ELAVL2: variants seen among roughly 807,000 people sequenced by gnomAD.
The protein encoded by ELAVL2 is ELAV-like protein 2.
In ELAVL2, 4 loss-of-function variants were observed where a neutral mutation model predicts 34.6. The observed-to-expected ratio is 0.12, with a 90% CI of 0.06 to 0.26. The LOEUF (loss-of-function observed/expected upper bound fraction) is 0.26. Among genes scored for constraint, ELAVL2 ranks in the 10% least tolerant of loss-of-function variants. The pLI, the probability that ELAVL2 is intolerant of heterozygous loss-of-function variation, is 1.00. For synonymous variants in ELAVL2, 193 were observed against 154.8 expected (o/e 1.25, Z -1.83); for missense variants, 432 against 442.8 (o/e 0.98, Z 0.22).
intron 1 of ELAVL2, among the ~76,000 whole-genome samples, chr9:23,763,594 CA>C (rs1395123371): frequency 6.6e-6 from 1 of 151,582 alleles, no homozygotes; most frequent in Non-Finnish European, 1.5e-5. Flanking sequence ...AAGAGGGTTA[CA>C]AGGAAAGAGA....
At chr9:23,736,914 C>T (rs1425096895) in intron 2 of ELAVL2, among the ~76,000 whole-genome samples, 1 of 152,166 alleles carries the variant, frequency 6.6e-6, no homozygotes, top group Non-Finnish European at 1.5e-5. Context: ...CCCTAAAATG[C>T]ACATTCAGTT....
intron 5 of ELAVL2, 135 bp from the exon 6 acceptor site, chr9:23,693,621 CT>C: frequency 9.2e-7 from 1 of 1,092,350 alleles, no homozygotes; most frequent in Non-Finnish European, 1.4e-6. Context: ...AATGCTGGGT[CT>C]TTTTACGTTT....
At chr9:23,779,470 G>C in intron 1 of ELAVL2, 1 of 937,804 alleles carries the variant, frequency 1.1e-6, no homozygotes, top group Non-Finnish European at 1.3e-6. Flanking sequence ...GGGTGGGCGG[G>C]CTTCCTTCTG....
intron 1 of ELAVL2, among the ~76,000 whole-genome samples, chr9:23,767,556 G>A (rs2056539422): frequency 1.3e-5 from 2 of 152,104 alleles, no homozygotes; most frequent in African/African-American, 4.8e-5. Context: ...TGAGGTAGGT[G>A]GACCACTTGA....
intron 2 of ELAVL2, among the ~76,000 whole-genome samples, chr9:23,732,482 A>C (rs62540058): frequency 1.9e-4 from 29 of 152,120 alleles, no homozygotes; most frequent in Admixed American, 8.5e-4. Flanking sequence ...TTCATCTCAC[A>C]CTAAAATTGA....
At chr9:23,760,405 CT>C (rs2135961007) in intron 2 of ELAVL2, among the ~76,000 whole-genome samples, 1 of 152,000 alleles carries the variant, frequency 6.6e-6, no homozygotes, top group Admixed American at 6.6e-5. Flanking sequence ...TGTCATAGCC[CT>C]CAAGTCATTT....
the ELAVL2 span, among the ~76,000 whole-genome samples, chr9:23,836,448 T>A: frequency 6.6e-6 from 1 of 152,188 alleles, no homozygotes; most frequent in South Asian, 2.1e-4. Flanking sequence ...ACTTATAGAG[T>A]ACTGATGTAT....
intron 2 of ELAVL2, among the ~76,000 whole-genome samples, chr9:23,741,482 A>G (rs80329502): frequency 0.01 from 1,546 of 152,120 alleles, 32 homozygotes; most frequent in African/African-American, 0.036. Flanking sequence ...AATCACCCAC[A>G]TTCTTTTTCC....
At chr9:23,820,866 G>C (rs963840392) in intron 1 of ELAVL2, among the ~76,000 whole-genome samples, 1 of 152,120 alleles carries the variant, frequency 6.6e-6, no homozygotes, top group Non-Finnish European at 1.5e-5. Context: ...CCCGCGCAGC[G>C]CACGCCTCGC....
In ELAVL2 at chr9:23,731,124, C is replaced by T. The variant is rs779233457; in HGVS notation, c.231G>A (p.Gly77=). 1 of 1,609,950 alleles carries T rather than the reference C, an allele frequency of 6.2e-7. No homozygotes were observed. Among genetic ancestry groups the T allele is most frequent in the Non-Finnish European group, 8.5e-7 (1 of 1,178,408 alleles). ...SCKLVRDKIT[G]QSLGYGFVNY... ...TCACAAAGCCATATCCCAAGCTCTGCCCTAATGAAAAGGAAGGGGAAAAAG... is the reference window on the plus strand; with the variant it reads ...TCACAAAGCCATATCCCAAGCTCTGTCCTAATGAAAAGGAAGGGGAAAAAG... The change falls in exon 3 of 7, where the codon GGG becomes GGA. Residue 77 remains glycine (G), a splice_region_variant and synonymous_variant. Transcript: ENST00000397312.
intron 2 of ELAVL2, among the ~76,000 whole-genome samples, chr9:23,760,488 A>C (rs1185366455): frequency 3.9e-5 from 6 of 151,930 alleles, no homozygotes; most frequent in Non-Finnish European, 2.9e-5. Context: ...TACTTTAAAA[A>C]CAAAAGATAA....
intron 2 of ELAVL2, among the ~76,000 whole-genome samples, chr9:23,759,819 A>C (rs2135942688): frequency 7.3e-6 from 1 of 136,164 alleles, no homozygotes; most frequent in Non-Finnish European, 1.6e-5. Flanking sequence ...CATCTTTAGA[A>C]ACATCTTTCA....
At chr9:23,717,126 A>G (rs1477616793) in intron 3 of ELAVL2, among the ~76,000 whole-genome samples, 2 of 152,228 alleles carry the variant, frequency 1.3e-5, no homozygotes, top group Non-Finnish European at 2.9e-5. Flanking sequence ...CCTTTGTACT[A>G]TAACTAGAAG....
chr9:23,755,451 T>C (rs1002168816), intron 2 of ELAVL2, among the ~76,000 whole-genome samples: 1 of 152,120 alleles, frequency 6.6e-6, no homozygotes, highest in Admixed American at 6.6e-5. Flanking sequence ...AACACCAAAT[T>C]TTTTAAATGA....
chr9:23,721,289 G>C (rs1013550862), intron 3 of ELAVL2, among the ~76,000 whole-genome samples: 1 of 152,214 alleles, frequency 6.6e-6, no homozygotes, highest in Non-Finnish European at 1.5e-5. Context: ...CACTGTGCTT[G>C]ATTCTATGAA....
chr9:23,693,175 T>G (rs2033799454), intron 6 of ELAVL2, among the ~76,000 whole-genome samples: 1 of 152,152 alleles, frequency 6.6e-6, no homozygotes. Context: ...TTAAGCAGGA[T>G]TGGCAGGGGA....
At chr9:23,847,073 A>T in the ELAVL2 span, among the ~76,000 whole-genome samples, 2 of 152,102 alleles carry the variant, frequency 1.3e-5, no homozygotes, top group South Asian at 4.1e-4. Flanking sequence ...TACATATATG[A>T]TTAAATCCAT....
At chr9:23,821,494 C>T (rs939954309) in intron 1 of ELAVL2, 1 of 152,262 alleles carries the variant, frequency 6.6e-6, no homozygotes, top group Non-Finnish European at 1.5e-5. Flanking sequence ...GCGCACCACC[C>T]CTACCCTGCT....
At chr9:23,822,455 G>GC (rs1057144376) in intron 1 of ELAVL2, among the ~76,000 whole-genome samples, 6 of 151,964 alleles carry the variant, frequency 3.9e-5, no homozygotes, top group African/African-American at 1.4e-4. Flanking sequence ...TCCTTCTATC[G>GC]CCCCCCAACT....
Sources: gnomAD v4.1 joint callset for allele counts (sites outside exome capture counted in the v4.1 genomes callset) on GRCh38, gnomAD v4.1.1 for gene constraint, MANE v1.5 for transcripts, NCBI Gene and HGNC (gene_info 2026-07-23, HGNC 2026-07-21) for gene names.